Variants in CBX5 observed in about 807,000 individuals in gnomAD.
The protein encoded by CBX5 is chromobox 5, also known as chromobox protein homolog 5.
A neutral mutation model predicts 20.7 loss-of-function variants in CBX5; 7 were observed. The ratio of observed to expected loss-of-function variants is 0.34; its 90% CI spans 0.19 to 0.63. The LOEUF (loss-of-function observed/expected upper bound fraction) is 0.63, where lower values mean the gene tolerates loss of function less well. Ranked by LOEUF, CBX5 falls within the 30% of genes least tolerant of loss-of-function variation. The pLI is 0.75. For synonymous variants in CBX5, 78 were observed against 77.0 expected, an observed-to-expected ratio of 1.01 and a Z score of -0.07; for missense variants, 110 against 224.1, an observed-to-expected ratio of 0.49 and a Z score of 3.25.
chr12:54,274,745 C>T (rs746852911), intron 1 of CBX5, among the ~76,000 whole-genome samples: 6 of 152,098 alleles, frequency 3.9e-5, no homozygotes, highest in Non-Finnish European at 7.4e-5. Context: ...TGAGACCATC[C>T]TGGCTAACAC....
intron 1 of CBX5, among the ~76,000 whole-genome samples, chr12:54,269,195 G>A (rs1482725540): frequency 1.3e-5 from 2 of 151,950 alleles, no homozygotes; most frequent in Admixed American, 6.6e-5. Context: ...CCCAGGAGGC[G>A]GAGGTTGCAG....
Position 54,231,303 on chromosome 12 carries a change from G to GCTCT in CBX5, c.*10448_*10451dup, listed in dbSNP as rs1448760250. ...AGTACAGAGTGCTGAAAGAAACCCA[G>GCTCT]CTCTTGAGTCTCTTAGATCCCATCC... On this transcript the variant is annotated 3_prime_UTR_variant, in exon 5 of 5. Coordinates refer to ENST00000209875, the MANE Select transcript of CBX5 (RefSeq NM_012117.3). 2.6e-5 allele frequency: 4 copies of GCTCT among 154,494 alleles called. No homozygotes were observed. Among genetic ancestry groups the GCTCT allele is most frequent in the Non-Finnish European group, 4.4e-5 (3 of 68,044 alleles). 9.6% of individuals were successfully genotyped at this position (154,494 alleles called of 1,614,324 possible).
chr12:54,254,837 G>A (rs1222924144), intron 2 of CBX5, among the ~76,000 whole-genome samples: 4 of 151,836 alleles, frequency 2.6e-5, no homozygotes, highest in Admixed American at 6.6e-5. Context: ...TGGGCAATAA[G>A]AGCAAAACTC....
chr12:54,240,416 G>C lies in CBX5; in HGVS notation c.*1339C>G, dbSNP rs553841563. 7.2e-5 allele frequency: 11 copies of C among 152,150 alleles called. No homozygotes were observed. Among genetic ancestry groups the C allele is most frequent in the African/African-American group, 2.6e-4 (11 of 41,510 alleles). 9.4% of individuals were successfully genotyped at this position (152,150 alleles called of 1,614,324 possible). On this transcript the variant is annotated 3_prime_UTR_variant, in exon 5 of 5. Transcript: ENST00000209875. ...TTTTATTTATATTTTTTAGAGACAG[G>C]GGGTCTCACTACATTGCCCAGGCTG...
rs1943679903 is a variant in CBX5, at chr12:54,241,911, G to A, written c.426-6C>T. The A allele has an allele frequency of 1.9e-6, 3 of 1,611,390 alleles. No individual in the cohort carries two copies. Among genetic ancestry groups the A allele is most frequent in the African/African-American group, 1.3e-5 (1 of 74,788 alleles). ...CAGCTTCATCTGTGTCTTTCCTGGA[G>A]AGAAAGAATATGAGACTTAAAAGGA... On this transcript the variant is annotated splice_region_variant and splice_polypyrimidine_tract_variant and intron_variant, in intron 4 of 4. Transcript: ENST00000209875.
chr12:54,266,968 G>C (rs1362371082), intron 1 of CBX5, among the ~76,000 whole-genome samples: 2 of 152,156 alleles, frequency 1.3e-5, no homozygotes, highest in Non-Finnish European at 2.9e-5. Context: ...ATATCCAATT[G>C]TTTCAAGATT....
chr12:54,243,251 A>G (rs1488372935), intron 4 of CBX5, among the ~76,000 whole-genome samples: 1 of 152,102 alleles, frequency 6.6e-6, no homozygotes, highest in Non-Finnish European at 1.5e-5. Context: ...GTTAATGTAA[A>G]TTGTAAGTAA....
chr12:54,245,686 G>A (rs904031777), intron 4 of CBX5, among the ~76,000 whole-genome samples: 2 of 152,210 alleles, frequency 1.3e-5, no homozygotes, highest in Non-Finnish European at 2.9e-5. Flanking sequence ...AGCTACTCGG[G>A]AGGCTGAGGC....
chr12:54,253,435 AT>A (rs1943829416), intron 2 of CBX5, among the ~76,000 whole-genome samples: 1 of 151,766 alleles, frequency 6.6e-6, no homozygotes, highest in African/African-American at 2.4e-5. Context: ...AATAATAATA[AT>A]TTAATTGGGC....
In CBX5 at chr12:54,246,253, A is replaced by G. The variant is rs773296894; in HGVS notation, c.325-38T>C. Reference sequence around the variant, plus strand: ...GATAAAGAAAGGTTACAGCTTGTGGAAAGAGTAAAGAAACTCCCTGCTTCT... The same window carrying G: ...GATAAAGAAAGGTTACAGCTTGTGGGAAGAGTAAAGAAACTCCCTGCTTCT... On this transcript the variant is annotated intron_variant, in intron 3 of 4. Transcript: ENST00000209875. The G allele has an allele frequency of 3.5e-6, 5 of 1,449,060 alleles. No homozygotes were observed. In the South Asian group the frequency reaches 5.8e-5, roughly 17 times the overall value. The allele number at this position is 1,449,060 out of a possible 1,614,324, so 89.8% of individuals were successfully genotyped here.
chr12:54,257,222 G>A (rs1943869629), intron 2 of CBX5, among the ~76,000 whole-genome samples: 1 of 152,000 alleles, frequency 6.6e-6, no homozygotes, highest in African/African-American at 2.4e-5. Context: ...ATTAGCCAAG[G>A]CCATCCAGTT....
chr12:54,270,646 C>T (rs1006018492), intron 1 of CBX5, among the ~76,000 whole-genome samples: 2 of 152,082 alleles, frequency 1.3e-5, no homozygotes, highest in Non-Finnish European at 2.9e-5. Context: ...TTGTAATTTC[C>T]TCTTTGTAGG....
At chr12:54,276,997 T>G (rs1944075718) in intron 1 of CBX5, 1 of 152,186 alleles carries the variant, frequency 6.6e-6, no homozygotes, top group Non-Finnish European at 1.5e-5. Flanking sequence ...CAAGATGCAA[T>G]CAATCGTATG....
chr12:54,250,530 G>C (rs2137015807), intron 3 of CBX5, among the ~76,000 whole-genome samples: 1 of 152,160 alleles, frequency 6.6e-6, no homozygotes, highest in South Asian at 2.1e-4. Context: ...CCGGGGCCGG[G>C]CGCGGTGGCT....
In CBX5 at chr12:54,246,270, C is replaced by G. The variant is rs1349451601; in HGVS notation, c.325-55G>C. 9 of 1,297,368 alleles carry G rather than the reference C, an allele frequency of 6.9e-6. No individual in the cohort carries two copies. In the Admixed American group the frequency reaches 1.4e-4, roughly 20 times the overall value. 80.4% of individuals were successfully genotyped at this position (1,297,368 alleles called of 1,614,324 possible). On this transcript the variant is annotated intron_variant, in intron 3 of 4. Coordinates refer to ENST00000209875, the MANE Select transcript of CBX5 (RefSeq NM_012117.3). ...GCTTGTGGAAAGAGTAAAGAAACTC[C>G]CTGCTTCTAGGCTCAACAAAACATA...
rs1438302612 is a variant in CBX5 at position 54,238,244 on chromosome 12, AAGAC to A, written c.*3507_*3510del. The A allele has an allele frequency of 6.6e-6, 1 of 152,186 alleles. No individual in the cohort carries two copies. Among genetic ancestry groups the A allele is most frequent in the East Asian group, 1.9e-4 (1 of 5,200 alleles). The allele number at this position is 152,186 out of a possible 1,614,324, so 9.4% of individuals were successfully genotyped here. A position where few individuals can be genotyped will look rare whatever the true frequency, so the allele number is the denominator to read the frequency against. On this transcript the variant is annotated 3_prime_UTR_variant, in exon 5 of 5. Coordinates refer to ENST00000209875, the MANE Select transcript of CBX5 (RefSeq NM_012117.3). ...TCTGCATTAGGATCAAGACAAGAAG[AAGAC>A]AGACAATCACTTTGGAATTCTGAGA...
At chr12:54,250,228 A>C (rs1289264619) in intron 3 of CBX5, among the ~76,000 whole-genome samples, 12 of 152,070 alleles carry the variant, frequency 7.9e-5, no homozygotes, top group Admixed American at 7.9e-4. Context: ...CGTCTCAAAA[A>C]AATAAATAAA....
intron 1 of CBX5, among the ~76,000 whole-genome samples, chr12:54,279,799 C>T (rs781346818): frequency 2.0e-5 from 3 of 152,236 alleles, no homozygotes; most frequent in Non-Finnish European, 4.4e-5. Context: ...GGCCTATACA[C>T]AAGCCAGTCA....
At chr12:54,276,500 A>G (rs764115139) in intron 1 of CBX5, 3 of 152,256 alleles carry the variant, frequency 2.0e-5, no homozygotes, top group Non-Finnish European at 2.9e-5. Context: ...TACTGAATGC[A>G]AATTGCTTTC....
Sources: allele counts gnomAD v4.1 joint callset (sites outside exome capture counted in the v4.1 genomes callset), GRCh38; gene constraint gnomAD v4.1.1; transcripts MANE v1.5; gene names NCBI Gene and HGNC (gene_info 2026-07-23, HGNC 2026-07-21).